TAS2R1: variants seen among roughly 807,000 people sequenced by gnomAD.
TAS2R1 encodes taste 2 receptor member 1.
For missense variants in TAS2R1, 370 were observed against 353.4 expected, an observed-to-expected ratio of 1.05 and a Z score of -0.38; for synonymous variants, 141 against 134.2, an observed-to-expected ratio of 1.05 and a Z score of -0.35.
At chr5:9,715,571 T>C (rs913262801), upstream of TAS2R1, among the ~76,000 whole-genome samples, 2 of 152,226 alleles carry the variant, frequency 1.3e-5, no homozygotes, top group Admixed American at 6.5e-5. Context: ...GCCACATGCA[T>C]AGGGGACAGG....
intron 1 of TAS2R1, among the ~76,000 whole-genome samples, chr5:9,662,652 C>T (rs1254432105): frequency 2.0e-5 from 3 of 152,302 alleles, no homozygotes; most frequent in African/African-American, 7.2e-5. Context: ...CACACCCATA[C>T]GTGACATCAA....
At chr5:9,717,361 A>G (rs1193757592), upstream of TAS2R1, among the ~76,000 whole-genome samples, 1 of 152,058 alleles carries the variant, frequency 6.6e-6, no homozygotes, top group Non-Finnish European at 1.5e-5. Flanking sequence ...GAAACACAAC[A>G]GTAAACTAGA....
intron 1 of TAS2R1, among the ~76,000 whole-genome samples, chr5:9,695,461 C>T (rs866552322): frequency 4.7e-4 from 71 of 151,972 alleles, no homozygotes; most frequent in African/African-American, 1.5e-3. Flanking sequence ...AAAGGTTGGA[C>T]GACCTTTGAT....
At chr5:9,893,492 C>G in the TAS2R1 span, among the ~76,000 whole-genome samples, 1 of 152,194 alleles carries the variant, frequency 6.6e-6, no homozygotes, top group Non-Finnish European at 1.5e-5. Flanking sequence ...CAAGGGATGA[C>G]AGCACTCATT....
In TAS2R1 at chr5:9,711,838, A is replaced by ATTT. The variant is rs34825763; in HGVS notation, c.-242+331_-242+333dup. On this transcript the variant is annotated intron_variant, in intron 1 of 2. Coordinates refer to the TAS2R1 transcript ENST00000506620. ...CTACCACACCTGGCTAATTTTTTGT[A>ATTT]TTTTTTTAGTAGAGTTGGGGTTTCG... 3.4e-3 allele frequency among the ~76,000 whole-genome samples: 518 copies of ATTT among 150,936 alleles called. 1 individual carries two copies. Among genetic ancestry groups the ATTT allele is most frequent in the Middle Eastern group, 0.017 (5 of 294 alleles).
At chr5:9,769,981 T>A in the TAS2R1 span, among the ~76,000 whole-genome samples, 3 of 152,182 alleles carry the variant, frequency 2.0e-5, no homozygotes, top group East Asian at 5.8e-4. Flanking sequence ...ACTCAAGAAA[T>A]CTGTGCCCCA....
At position 9,627,367 on chromosome 5, in the gene TAS2R1, T is replaced by C. The variant is rs1232723634; in HGVS notation, c.*1766A>G. On this transcript the variant is annotated 3_prime_UTR_variant, in exon 1 of 1. Coordinates refer to ENST00000382492, the MANE Select transcript of TAS2R1 (RefSeq NM_019599.3). ...TGAAAATGTTTTTAGAATTGTTTTA[T>C]TATGAATTCTTTTTTTAAACATTTC... 7.3e-5 allele frequency among the ~76,000 whole-genome samples: 11 copies of C among 150,084 alleles called. 1 individual carries two copies. Among genetic ancestry groups the C allele is most frequent in the Admixed American group, 7.2e-4 (11 of 15,190 alleles).
chr5:9,721,271 A>C, the TAS2R1 span, among the ~76,000 whole-genome samples: 11 of 152,232 alleles, frequency 7.2e-5, no homozygotes. Context: ...ATGGTCCAGA[A>C]GAAAGTGGTA....
chr5:9,839,716 G>C, the TAS2R1 span, among the ~76,000 whole-genome samples: 1 of 152,252 alleles, frequency 6.6e-6, no homozygotes, highest in South Asian at 2.1e-4. Flanking sequence ...ACAACAGACG[G>C]GTAGTTTTTG....
the TAS2R1 span, among the ~76,000 whole-genome samples, chr5:9,820,247 T>G: frequency 1.3e-5 from 2 of 152,066 alleles, no homozygotes; most frequent in Non-Finnish European, 2.9e-5. Flanking sequence ...CCATCTCTAT[T>G]CCAGACTGCC....
At chr5:9,728,211 C>G in the TAS2R1 span, among the ~76,000 whole-genome samples, 2 of 152,132 alleles carry the variant, frequency 1.3e-5, no homozygotes, top group African/African-American at 4.8e-5. Flanking sequence ...AAAAATCTTG[C>G]ACAACAGAGA....
intron 1 of TAS2R1, among the ~76,000 whole-genome samples, chr5:9,682,250 A>C (rs1741008365): frequency 6.6e-6 from 1 of 152,250 alleles, no homozygotes; most frequent in Non-Finnish European, 1.5e-5. Flanking sequence ...CATCAAATTT[A>C]TTGCCAACAA....
chr5:9,718,866 CTA>C, the TAS2R1 span, among the ~76,000 whole-genome samples: 1 of 151,326 alleles, frequency 6.6e-6, no homozygotes, highest in South Asian at 2.1e-4. Flanking sequence ...AGTGAAGGGG[CTA>C]CTGTATTAAA....
chr5:9,782,701 A>G, the TAS2R1 span, among the ~76,000 whole-genome samples: 2 of 152,102 alleles, frequency 1.3e-5, no homozygotes, highest in African/African-American at 4.8e-5. Flanking sequence ...AACCTACCTC[A>G]TCTGTAGCTT....
At chr5:9,782,790 A>T in the TAS2R1 span, among the ~76,000 whole-genome samples, 1 of 152,180 alleles carries the variant, frequency 6.6e-6, no homozygotes, top group Admixed American at 6.5e-5. Context: ...TGGAAAAAAA[A>T]AATCTACTTA....
At chr5:9,847,687 C>G in the TAS2R1 span, among the ~76,000 whole-genome samples, 1 of 152,216 alleles carries the variant, frequency 6.6e-6, no homozygotes, top group African/African-American at 2.4e-5. Context: ...AGTGACCAGT[C>G]ATTTGTAAGC....
intron 1 of TAS2R1, among the ~76,000 whole-genome samples, chr5:9,700,365 T>C (rs1741454145): frequency 6.6e-6 from 1 of 152,178 alleles, no homozygotes; most frequent in Admixed American, 6.5e-5. Context: ...ATTGTGATCT[T>C]AGGTAATGTA....
chr5:9,828,558 T>A, the TAS2R1 span, among the ~76,000 whole-genome samples: 2 of 152,232 alleles, frequency 1.3e-5, no homozygotes, highest in Non-Finnish European at 2.9e-5. Flanking sequence ...GCTATTTATA[T>A]AATTTAGGTT....
the TAS2R1 span, among the ~76,000 whole-genome samples, chr5:9,895,919 C>T: frequency 6.6e-6 from 1 of 152,218 alleles, no homozygotes. Context: ...ATTTCAACCT[C>T]CAACCTGTAC....
Sources: allele counts gnomAD v4.1 joint callset (sites outside exome capture counted in the v4.1 genomes callset), GRCh38; gene constraint gnomAD v4.1.1; transcripts MANE v1.5; gene names NCBI Gene and HGNC (gene_info 2026-07-23, HGNC 2026-07-21).